The following NBL1 variants were observed in gnomAD, a reference collection of about 807,000 sequenced individuals.
NBL1 encodes the protein NBL1, DAN family BMP antagonist.
Under a neutral mutation model 16.0 loss-of-function variants are expected in NBL1, and 9 were observed. The observed-to-expected ratio is 0.56, with a 90% confidence interval of 0.34 to 0.98. The LOEUF is 0.98. NBL1 is among the 50% of genes least tolerant of loss of function. The probability of loss-of-function intolerance (pLI) is 0.02; values close to 1 mark genes in which losing one functional copy is unlikely to be tolerated. For synonymous variants in NBL1, 86 were observed against 100.7 expected (o/e 0.85, Z 0.87); for missense variants, 196 against 243.1 (o/e 0.81, Z 1.29).
At chr1:19,648,609 C>T (rs896436787) in intron 1 of NBL1, among the ~76,000 whole-genome samples, 3 of 152,214 alleles carry the variant, frequency 2.0e-5, no homozygotes, top group Non-Finnish European at 4.4e-5. Flanking sequence ...GTGGGAGCTA[C>T]GGGTGGGTCA....
At chr1:19,644,224 C>T (rs1359311193), upstream of NBL1, 3 of 976,866 alleles carry the variant, frequency 3.1e-6, no homozygotes, top group Non-Finnish European at 2.4e-6. The surrounding 1 kb of genome is among the most constrained non-coding windows in gnomAD (Gnocchi z 4.6). Flanking sequence ...CGCGGCCCTC[C>T]CCGCTGCCCC....
At chr1:19,643,393 C>T (rs1430848153), upstream of NBL1, 2 of 1,613,756 alleles carry the variant, frequency 1.2e-6, no homozygotes, top group South Asian at 2.2e-5. The surrounding 1 kb of genome is among the most constrained non-coding windows in gnomAD (Gnocchi z 4.7). Flanking sequence ...AACACATGGA[C>T]ACAGGTAACT....
rs867621854 is a variant in NBL1, at chr1:19,649,665, G to T, written c.-20+5219G>T. 8.6e-4 allele frequency among the ~76,000 whole-genome samples: 131 copies of T among 152,030 alleles called. 1 individual carries two copies. Among genetic ancestry groups the T allele is most frequent in the African/African-American group, 3.1e-3 (130 of 41,470 alleles). On this transcript the variant is annotated intron_variant, in intron 1 of 3. Transcript: ENST00000375136. ...GAGCCACTGCGCCTGGCCTCCCATA[G>T]AATTATAATACTGTATTTTTACTAC...
chr1:19,656,846 T>C lies in NBL1; in HGVS notation c.283-20T>C. The C allele has an allele frequency of 6.3e-7, 1 of 1,595,262 alleles. No homozygotes were observed. Among genetic ancestry groups the C allele is most frequent in the Non-Finnish European group, 8.6e-7 (1 of 1,166,464 alleles). On this transcript the variant is annotated intron_variant, in intron 3 of 3. Transcript: ENST00000375136. The stretch of plus-strand genomic sequence containing the variant: ...CAGACCTTTGGGAACATGCCTCTGC[T>C]TCTCTCTTGCCCTCTGCAGGTGACG...
At chr1:19,644,019 AGGGCGCCCGGCTGGGCTGCCCTGCCTCTC>A (rs1487795168), upstream of NBL1, 1 of 984,532 alleles carries the variant, frequency 1.0e-6, no homozygotes, top group African/African-American at 1.7e-5. The surrounding 1 kb of genome is among the most constrained non-coding windows in gnomAD (Gnocchi z 4.6). Flanking sequence ...AGAACGGGCC[AGGGCGCCCGGCTGGGCTGCCCTGCCTCTC>A]GGGCGCCGGC....
rs1490040336 is a variant in NBL1, at chr1:19,657,915, GA to G, written c.*789del. 6 of 152,704 alleles carry G rather than the reference GA, an allele frequency of 3.9e-5. No homozygotes were observed. Among genetic ancestry groups the G allele is most frequent in the African/African-American group, 1.4e-4 (6 of 41,458 alleles). 9.5% of individuals were successfully genotyped at this position (152,704 alleles called of 1,614,324 possible). ...GAGCATCCCCCTCCTCTCCCTGTTA[GA>G]AATGTTAGTGCCCCGCACTGTGCCC... is the stretch of plus-strand genomic sequence containing the variant. On this transcript the variant is annotated 3_prime_UTR_variant, in exon 4 of 4. Transcript: ENST00000375136.
chr1:19,656,893 G>A lies in NBL1; in HGVS notation c.310G>A (p.Glu104Lys). ...GACGCTGGAGTGCCCGGGCCACGAGGAGGTGCCCAGGGTGGACAAGCTGGT... is the reference window on the plus strand; with the variant it reads ...GACGCTGGAGTGCCCGGGCCACGAGAAGGTGCCCAGGGTGGACAAGCTGGT... ...IVTLECPGHE[E>K]VPRVDKLVEK... The change falls in exon 4 of 4, where the codon GAG becomes AAG. Residue 104 changes from glutamate to lysine, a missense_variant. By Grantham distance (56) the Glu-to-Lys change is moderately conservative. Transcript: ENST00000375136. 1.2e-6 allele frequency: 2 copies of A among 1,612,722 alleles called. No homozygotes were observed. Among genetic ancestry groups the A allele is most frequent in the African/African-American group, 1.3e-5 (1 of 74,988 alleles).
intron 1 of NBL1, among the ~76,000 whole-genome samples, chr1:19,654,200 C>T (rs1043733541): frequency 1.3e-5 from 2 of 152,090 alleles, no homozygotes; most frequent in African/African-American, 4.8e-5. Context: ...GCTTGAGCCC[C>T]AGGAGTTTGA....
Position 19,656,953 on chromosome 1 carries a change from G to GC in NBL1, c.370_371insC (p.Gly124AlafsTer5). ...CCTGCACTGTAGCTGCCAGGCCTGC[G>GC]GCAAGGAGCCTAGTCACGAGGGGCT... On this transcript the variant is annotated frameshift_variant, in exon 4 of 4. Coordinates refer to ENST00000375136, the MANE Select transcript of NBL1 (RefSeq NM_005380.8). LOFTEE classifies it high-confidence loss of function. 1 of 1,612,642 alleles carries GC rather than the reference G, an allele frequency of 6.2e-7. No homozygotes were observed. Among genetic ancestry groups the GC allele is most frequent in the Non-Finnish European group, 8.5e-7 (1 of 1,179,510 alleles).
At chr1:19,655,647 A>T (rs2095052051) in intron 3 of NBL1, among the ~76,000 whole-genome samples, 1 of 152,168 alleles carries the variant, frequency 6.6e-6, no homozygotes, top group South Asian at 2.1e-4. Context: ...CAGGACAGGG[A>T]TGTTCCCGAA....
At chr1:19,646,274 T>G (rs1319469325) in intron 1 of NBL1, among the ~76,000 whole-genome samples, 1 of 152,218 alleles carries the variant, frequency 6.6e-6, no homozygotes, top group African/African-American at 2.4e-5. Context: ...GGGGATCTGC[T>G]GAAATGGACG....
chr1:19,655,419 A>C lies in NBL1; in HGVS notation c.266A>C (p.Gln89Pro). Residue 89 changes from glutamine to proline, a missense_variant, in exon 3 of 4, where the codon CAG (glutamine) becomes CCG (proline). Coordinates refer to ENST00000375136, the MANE Select transcript of NBL1 (RefSeq NM_005380.8). ...CACTGTGACTCCTGCATGCCAGCCC[A>C]GTCCATGTGGGAGATTGTGAGTACT... Reference protein sequence around the residue: ...LVHCDSCMPAQSMWEIVTLEC... With the variant: ...LVHCDSCMPAPSMWEIVTLEC... 6.2e-7 allele frequency: 1 copy of C among 1,614,044 alleles called. No individual in the cohort carries two copies. The highest frequency in any genetic ancestry group is 1.1e-5 in the South Asian group (1 of 91,074).
rs1039258445 is a variant in NBL1, at chr1:19,645,821, C to A, written c.-20+1375C>A. The stretch of plus-strand genomic sequence containing the variant: ...TGTTCTGCATCGGCCAGGGATATCG[C>A]CTCATTATTTTAAAGTGAAATTTCA... On this transcript the variant is annotated intron_variant, in intron 1 of 3. Coordinates refer to ENST00000375136, the MANE Select transcript of NBL1 (RefSeq NM_005380.8). The A allele has an allele frequency of 2.7e-6, 4 of 1,471,950 alleles. No individual in the cohort carries two copies. In the African/African-American group the frequency reaches 4.2e-5, roughly 15 times the overall value. The allele number at this position is 1,471,950 out of a possible 1,614,324, so 91.2% of individuals were successfully genotyped here.
In NBL1 at chr1:19,644,421, C is replaced by T; in HGVS notation, c.-45C>T. ...CCGGGCCCGCGACCCCCGCACCCAG[C>T]TCCGCAGGACCGGCGGGCGCGCGCG... is the stretch of plus-strand genomic sequence containing the variant. On this transcript the variant is annotated 5_prime_UTR_variant, in exon 1 of 4. Coordinates refer to ENST00000375136, the MANE Select transcript of NBL1 (RefSeq NM_005380.8). The surrounding 1 kb of genome is among the most constrained non-coding windows in gnomAD (Gnocchi z 4.6). 2.0e-6 allele frequency: 2 copies of T among 979,142 alleles called. No individual in the cohort carries two copies. Among genetic ancestry groups the T allele is most frequent in the Non-Finnish European group, 2.4e-6 (2 of 827,512 alleles). The allele number at this position is 979,142 out of a possible 1,614,324, so 60.7% of individuals were successfully genotyped here.
At chr1:19,654,663 A>G (rs912237198) in intron 1 of NBL1, among the ~76,000 whole-genome samples, 7 of 152,086 alleles carry the variant, frequency 4.6e-5, no homozygotes, top group African/African-American at 1.7e-4. Flanking sequence ...CAGTGGCACC[A>G]TCTCCCCTTT....
intron 1 of NBL1, among the ~76,000 whole-genome samples, chr1:19,650,950 T>A (rs1350482140): frequency 6.6e-6 from 1 of 152,174 alleles, no homozygotes; most frequent in Admixed American, 6.5e-5. Flanking sequence ...TCTGGCATCC[T>A]CGCTGCCTCC....
Position 19,644,387 on chromosome 1 carries a change from C to A in NBL1, c.-79C>A. 1.0e-6 allele frequency: 1 copy of A among 978,830 alleles called. No individual in the cohort carries two copies. Among genetic ancestry groups the A allele is most frequent in the Non-Finnish European group, 1.2e-6 (1 of 827,218 alleles). The allele number at this position is 978,830 out of a possible 1,614,324, so 60.6% of individuals were successfully genotyped here. On this transcript the variant is annotated 5_prime_UTR_variant, in exon 1 of 4. In the 5' UTR this introduces an upstream ATG that the reference lacks. Coordinates refer to ENST00000375136, the MANE Select transcript of NBL1 (RefSeq NM_005380.8). This position sits in a 1 kb window ranked among gnomAD's most constrained non-coding sequence, Gnocchi z 4.6. ...CCTGCCGGCCGCCTCGCCGAGCCTC[C>A]TGGGGCGCCCGGGCCCGCGACCCCC...
chr1:19,653,069 C>T (rs1057289906), intron 1 of NBL1, among the ~76,000 whole-genome samples: 3 of 151,358 alleles, frequency 2.0e-5, no homozygotes, highest in African/African-American at 7.3e-5. Flanking sequence ...GGGCGGATCA[C>T]GAGGTCAGGA....
chr1:19,645,149 G>C (rs549110958), intron 1 of NBL1, among the ~76,000 whole-genome samples: 1 of 152,256 alleles, frequency 6.6e-6, no homozygotes, highest in East Asian at 1.9e-4. Context: ...CGGGGTTCAC[G>C]AATAGTTTCC....
Sources: gnomAD v4.1 joint callset for allele counts (sites outside exome capture counted in the v4.1 genomes callset) on GRCh38, gnomAD v4.1.1 for gene constraint, Gnocchi (gnomAD v3.1) non-coding constraint, MANE v1.5 for transcripts, NCBI Gene and HGNC (gene_info 2026-07-23, HGNC 2026-07-21) for gene names.